The following RNGTT variants were observed in gnomAD, a reference collection of about 807,000 sequenced individuals.
The protein encoded by RNGTT is mRNA-capping enzyme.
In RNGTT, 33 loss-of-function variants were observed where a neutral mutation model predicts 79.3. The observed-to-expected ratio is 0.42, with a 90% CI of 0.32 to 0.56. The LOEUF (loss-of-function observed/expected upper bound fraction) is 0.56. Ranked by LOEUF, RNGTT falls within the 20% of genes least tolerant of loss-of-function variation. The pLI, the probability that RNGTT is intolerant of heterozygous loss-of-function variation, is 0.17. For synonymous variants in RNGTT, 222 were observed against 235.9 expected (o/e 0.94, Z 0.54); for missense variants, 497 against 739.1 (o/e 0.67, Z 3.80).
chr6:88,785,941 T>C (rs1261253133), intron 12 of RNGTT, among the ~76,000 whole-genome samples: 1 of 152,100 alleles, frequency 6.6e-6, no homozygotes, highest in Non-Finnish European at 1.5e-5. Context: ...AACCACCTTA[T>C]AGGAAAATCA....
At chr6:88,787,502 T>C (rs994699377) in intron 12 of RNGTT, among the ~76,000 whole-genome samples, 1 of 151,990 alleles carries the variant, frequency 6.6e-6, no homozygotes, top group Non-Finnish European at 1.5e-5. Context: ...CTACTAAAAA[T>C]ACAAAAATTA....
chr6:88,800,360 A>G (rs896416587), intron 12 of RNGTT, among the ~76,000 whole-genome samples: 1 of 152,146 alleles, frequency 6.6e-6, no homozygotes, highest in African/African-American at 2.4e-5. Flanking sequence ...AACATTATAA[A>G]TTTTATAGCA....
Position 88,769,759 on chromosome 6 carries a change from A to G in RNGTT, c.1439+15T>C. 6.5e-7 allele frequency: 1 copy of G among 1,531,232 alleles called. No individual in the cohort carries two copies. Among genetic ancestry groups the G allele is most frequent in the Non-Finnish European group, 9.0e-7 (1 of 1,106,478 alleles). 94.9% of individuals were successfully genotyped at this position (1,531,232 alleles called of 1,614,324 possible). On this transcript the variant is annotated intron_variant, in intron 13 of 15. Coordinates refer to ENST00000369485, the MANE Select transcript of RNGTT (RefSeq NM_003800.5). ...AGTATTATTTCATGCAAAAAGTACA[A>G]AAGTGCATACTTACCCTTCTCCTCC...
chr6:88,628,536 A>G (rs1326369003), intron 14 of RNGTT, among the ~76,000 whole-genome samples: 1 of 152,178 alleles, frequency 6.6e-6, no homozygotes, highest in Non-Finnish European at 1.5e-5. Context: ...AATTAATTTA[A>G]GGTTTATAGC....
chr6:88,765,566 A>G (rs1226419434), intron 13 of RNGTT, among the ~76,000 whole-genome samples: 1 of 152,202 alleles, frequency 6.6e-6, no homozygotes, highest in African/African-American at 2.4e-5. Context: ...GCAATTAAAT[A>G]TTGAGTATAC....
intron 12 of RNGTT, among the ~76,000 whole-genome samples, chr6:88,770,249 G>A (rs1381074624): frequency 3.3e-5 from 5 of 152,086 alleles, no homozygotes; most frequent in Admixed American, 1.3e-4. Context: ...ATACAGTTAC[G>A]TAACCATGAC....
chr6:88,925,611 C>A (rs963397532), intron 4 of RNGTT, among the ~76,000 whole-genome samples: 5 of 146,348 alleles, frequency 3.4e-5, no homozygotes, highest in African/African-American at 5.0e-5. Flanking sequence ...AAAAAAAAAA[C>A]AACTAGCTGT....
At chr6:88,764,605 T>C (rs1167155448) in intron 13 of RNGTT, among the ~76,000 whole-genome samples, 1 of 152,186 alleles carries the variant, frequency 6.6e-6, no homozygotes, top group East Asian at 1.9e-4. Context: ...ATTATACACA[T>C]ACTTTTACAT....
chr6:88,882,064 T>A (rs1422291063), intron 8 of RNGTT, among the ~76,000 whole-genome samples: 2 of 152,190 alleles, frequency 1.3e-5, no homozygotes, highest in East Asian at 1.9e-4. Flanking sequence ...CCTGTCCACA[T>A]CCCTGTCTTT....
At chr6:88,779,713 C>T (rs1205298068) in intron 12 of RNGTT, among the ~76,000 whole-genome samples, 1 of 152,118 alleles carries the variant, frequency 6.6e-6, no homozygotes, top group Non-Finnish European at 1.5e-5. Context: ...GAAAATGGGG[C>T]CAGGTGCAGT....
intron 13 of RNGTT, among the ~76,000 whole-genome samples, chr6:88,704,272 A>AAAAAAC (rs1562206039): frequency 2.0e-5 from 3 of 149,802 alleles, no homozygotes; most frequent in African/African-American, 7.4e-5. Context: ...AAAAAAAAAA[A>AAAAAAC]AAAAAAAAAA....
intron 12 of RNGTT, among the ~76,000 whole-genome samples, chr6:88,782,985 AG>A (rs1165468681): frequency 1.3e-5 from 2 of 152,166 alleles, no homozygotes; most frequent in African/African-American, 4.8e-5. Context: ...AACAGTATTG[AG>A]GTTCCTCAAA....
chr6:88,791,736 T>G (rs1779423035), intron 12 of RNGTT, among the ~76,000 whole-genome samples: 1 of 151,970 alleles, frequency 6.6e-6, no homozygotes. Context: ...AGACAGGGTT[T>G]CACCACGTTA....
intron 11 of RNGTT, among the ~76,000 whole-genome samples, chr6:88,843,846 G>A (rs376822292): frequency 5.3e-5 from 8 of 150,702 alleles, no homozygotes; most frequent in South Asian, 4.2e-4. Flanking sequence ...ATGAGCCACC[G>A]AGCCTGGCCT....
At chr6:88,669,784 A>G (rs1774559915) in intron 14 of RNGTT, among the ~76,000 whole-genome samples, 1 of 152,174 alleles carries the variant, frequency 6.6e-6, no homozygotes, top group African/African-American at 2.4e-5. Context: ...ACAGGTGATG[A>G]GCTCCTAGGC....
At position 88,691,481 on chromosome 6, in the gene RNGTT, G is replaced by C. The variant is rs139511751; in HGVS notation, c.1440-13062C>G. ...ATATTTATGTAAGGATCAAAATCAC[G>C]CAACAGCAAACACTAATTTTACAGA... On this transcript the variant is annotated intron_variant, in intron 13 of 15. Transcript: ENST00000369485. Among the ~76,000 whole-genome samples the C allele has an allele frequency of 9.2e-5, 14 of 152,216 alleles. No individual in the cohort carries two copies. In the East Asian group the frequency reaches 1.7e-3, roughly 19 times the overall value.
At chr6:88,709,260 G>A (rs1776242360) in intron 13 of RNGTT, among the ~76,000 whole-genome samples, 1 of 151,624 alleles carries the variant, frequency 6.6e-6, no homozygotes, top group East Asian at 1.9e-4. Context: ...AGCCAAGATT[G>A]CACCACTGCA....
At chr6:88,661,046 A>C (rs1164655457) in intron 14 of RNGTT, among the ~76,000 whole-genome samples, 1 of 152,186 alleles carries the variant, frequency 6.6e-6, no homozygotes, top group African/African-American at 2.4e-5. Context: ...ATAGAAATTA[A>C]ATTATCTACT....
chr6:88,899,308 G>A (rs1029661166), intron 6 of RNGTT, among the ~76,000 whole-genome samples: 1 of 151,524 alleles, frequency 6.6e-6, no homozygotes, highest in African/African-American at 2.4e-5. Context: ...TGTCACCTAG[G>A]TTGAAGTGCA....
Sources: allele counts gnomAD v4.1 joint callset (sites outside exome capture counted in the v4.1 genomes callset), GRCh38; gene constraint gnomAD v4.1.1; transcripts MANE v1.5; gene names NCBI Gene and HGNC (gene_info 2026-07-23, HGNC 2026-07-21).